The following ANKRD45 variants were observed in gnomAD, a reference collection of about 807,000 sequenced individuals.
The protein encoded by ANKRD45 is ankyrin repeat domain-containing protein 45.
Under a neutral mutation model 28.1 loss-of-function variants are expected in ANKRD45, and 21 were observed. The ratio of observed to expected loss-of-function variants is 0.75; its 90% CI spans 0.53 to 1.08. ANKRD45 has a LOEUF of 1.08. ANKRD45 is among the 50% of genes least tolerant of loss of function. ANKRD45 has a pLI of 0.00. For missense variants in ANKRD45, 261 were observed against 308.7 expected (o/e 0.85, Z 1.16); for synonymous variants, 86 against 103.9 (o/e 0.83, Z 1.05).
At chr1:173,687,564 G>T in the ANKRD45 span, among the ~76,000 whole-genome samples, 1 of 148,646 alleles carries the variant, frequency 6.7e-6, no homozygotes, top group Non-Finnish European at 1.5e-5. Context: ...TAGAAGTTAG[G>T]ATAATACATG....
At chr1:173,612,736 GC>G (rs1477801843) in intron 5 of ANKRD45, 1 of 157,684 alleles carries the variant, frequency 6.3e-6, no homozygotes, top group Non-Finnish European at 1.4e-5. Flanking sequence ...AATTGCAGGC[GC>G]GCGCCGCCAC....
chr1:173,663,981 A>T (rs1195296613), intron 1 of ANKRD45, among the ~76,000 whole-genome samples: 1 of 152,220 alleles, frequency 6.6e-6, no homozygotes, highest in Non-Finnish European at 1.5e-5. Flanking sequence ...TCTTTACTAC[A>T]GGTAACATAT....
the ANKRD45 span, among the ~76,000 whole-genome samples, chr1:173,681,499 T>C: frequency 6.6e-6 from 1 of 152,154 alleles, no homozygotes; most frequent in African/African-American, 2.4e-5. Context: ...TTTTCAGTAG[T>C]GAAACATTGT....
chr1:173,614,575 C>T (rs966529963), intron 5 of ANKRD45, among the ~76,000 whole-genome samples: 43 of 152,082 alleles, frequency 2.8e-4, no homozygotes, highest in African/African-American at 8.9e-4. Context: ...TCATAGATTT[C>T]GTATGCAAAT....
chr1:173,671,985 C>G (rs1670277031), upstream of ANKRD45, among the ~76,000 whole-genome samples: 1 of 152,014 alleles, frequency 6.6e-6, no homozygotes, highest in South Asian at 2.1e-4. Flanking sequence ...TCCTTTCATT[C>G]CTGCCCAAAA....
At chr1:173,690,641 C>T in the ANKRD45 span, among the ~76,000 whole-genome samples, 1 of 152,252 alleles carries the variant, frequency 6.6e-6, no homozygotes, top group South Asian at 2.1e-4. Context: ...TCCCTGAGTC[C>T]AAATAAAACA....
chr1:173,685,391 G>T, the ANKRD45 span, among the ~76,000 whole-genome samples: 2 of 152,272 alleles, frequency 1.3e-5, no homozygotes, highest in Non-Finnish European at 2.9e-5. Flanking sequence ...GAGAGAGCTT[G>T]GCATGACTTA....
chr1:173,704,326 G>C, the ANKRD45 span, among the ~76,000 whole-genome samples: 1 of 152,178 alleles, frequency 6.6e-6, no homozygotes, highest in Admixed American at 6.5e-5. Context: ...AATCTTCCTT[G>C]AGGTCCTGCA....
At chr1:173,695,070 A>G in the ANKRD45 span, among the ~76,000 whole-genome samples, 1 of 152,142 alleles carries the variant, frequency 6.6e-6, no homozygotes, top group Non-Finnish European at 1.5e-5. Context: ...GGCCCTTCCT[A>G]CCTATGTTAA....
At chr1:173,690,387 T>G in the ANKRD45 span, among the ~76,000 whole-genome samples, 1 of 152,178 alleles carries the variant, frequency 6.6e-6, no homozygotes, top group South Asian at 2.1e-4. Context: ...GGATCCCACG[T>G]GCTGGAATCT....
rs998523230 is a variant in ANKRD45 at position 173,609,945 on chromosome 1, T to C, written c.*200A>G. 2 of 571,234 alleles carry C rather than the reference T, an allele frequency of 3.5e-6. No individual in the cohort carries two copies. Among genetic ancestry groups the C allele is most frequent in the Admixed American group, 6.5e-5 (2 of 31,000 alleles). The allele number at this position is 571,234 out of a possible 1,614,324, so 35.4% of individuals were successfully genotyped here. ...CCTGAAGGAGCACGTGAAACTCACA[T>C]GGGGCTGTGCTTGGAGGAGCAGAGG... On this transcript the variant is annotated 3_prime_UTR_variant, in exon 6 of 6. Coordinates refer to ENST00000333279, the MANE Select transcript of ANKRD45 (RefSeq NM_198493.3).
chr1:173,642,228 G>C (rs1482104298), intron 3 of ANKRD45, among the ~76,000 whole-genome samples: 1 of 152,134 alleles, frequency 6.6e-6, no homozygotes, highest in Non-Finnish European at 1.5e-5. Context: ...TTCTCACCTC[G>C]TTAGCTCTTG....
chr1:173,667,031 G>A (rs765297399), intron 1 of ANKRD45, among the ~76,000 whole-genome samples: 5 of 152,140 alleles, frequency 3.3e-5, no homozygotes, highest in Non-Finnish European at 2.9e-5. Flanking sequence ...ACAAGTGTGA[G>A]CCACCGTGCC....
At chr1:173,640,237 A>C (rs1049757492) in intron 3 of ANKRD45, among the ~76,000 whole-genome samples, 1 of 151,914 alleles carries the variant, frequency 6.6e-6, no homozygotes, top group African/African-American at 2.4e-5. Flanking sequence ...TCTCTCCTCT[A>C]CCTTTTCTTC....
intron 5 of ANKRD45, among the ~76,000 whole-genome samples, chr1:173,615,870 G>C (rs1440062325): frequency 1.3e-5 from 2 of 152,164 alleles, no homozygotes; most frequent in Non-Finnish European, 1.5e-5. Context: ...TTGGGAGGCA[G>C]AGGCAGGCGG....
At chr1:173,632,543 C>A (rs911178609) in intron 3 of ANKRD45, among the ~76,000 whole-genome samples, 270 of 142,186 alleles carry the variant, frequency 1.9e-3, no homozygotes, top group East Asian at 9.0e-3. Flanking sequence ...AAAAAAAAAA[C>A]AAAACAAAAC....
chr1:173,701,383 G>A, the ANKRD45 span, among the ~76,000 whole-genome samples: 5 of 152,088 alleles, frequency 3.3e-5, no homozygotes, highest in Non-Finnish European at 7.3e-5. Context: ...TGTTTACTGC[G>A]GCACTATTCA....
chr1:173,711,572 C>G, the ANKRD45 span, among the ~76,000 whole-genome samples: 9 of 152,232 alleles, frequency 5.9e-5, no homozygotes, highest in East Asian at 1.7e-3. Flanking sequence ...GCAAGTTTGC[C>G]CTAAGCAGTT....
At chr1:173,664,120 C>T (rs1316181805) in intron 1 of ANKRD45, among the ~76,000 whole-genome samples, 1 of 152,078 alleles carries the variant, frequency 6.6e-6, no homozygotes, top group Non-Finnish European at 1.5e-5. Context: ...ACTATGGAGA[C>T]TATACCAGGA....
Sources: gnomAD v4.1 joint callset for allele counts (sites outside exome capture counted in the v4.1 genomes callset) on GRCh38, gnomAD v4.1.1 for gene constraint, MANE v1.5 for transcripts, NCBI Gene and HGNC (gene_info 2026-07-23, HGNC 2026-07-21) for gene names.